SLC25A31: variants seen among roughly 807,000 people sequenced by gnomAD.
SLC25A31 encodes solute carrier family 25 member 31.
In SLC25A31, 40 loss-of-function variants were observed where a neutral mutation model predicts 36.2. The ratio of observed to expected loss-of-function variants is 1.10; its 90% confidence interval spans 0.86 to 1.44. The LOEUF (loss-of-function observed/expected upper bound fraction) is 1.44. SLC25A31 is among the 40% of genes most tolerant of loss of function. The pLI is 0.00. For missense variants in SLC25A31, 350 were observed against 397.1 expected (o/e 0.88, Z 1.01); for synonymous variants, 143 against 149.7 (o/e 0.96, Z 0.32).
chr4:127,734,515 G>A (rs1477883736), intron 1 of SLC25A31, among the ~76,000 whole-genome samples: 2 of 137,058 alleles, frequency 1.5e-5, no homozygotes, highest in African/African-American at 2.7e-5. Context: ...AGCCAAGATC[G>A]TGCCACTACA....
chr4:127,739,631 G>A (rs1731696946), intron 1 of SLC25A31, among the ~76,000 whole-genome samples: 1 of 151,990 alleles, frequency 6.6e-6, no homozygotes, highest in Admixed American at 6.6e-5. Context: ...CTTGTATCTG[G>A]ACAAAGATTA....
rs1297382105 is a variant in SLC25A31 at position 127,767,178 on chromosome 4, T to C, written c.591T>C (p.Ile197=). The change falls in exon 4 of 6, where the codon ATT becomes ATC. Residue 197 remains isoleucine (I), a synonymous_variant. Transcript: ENST00000281154. The part of the protein sequence containing the change: ...QGFGVSVQGI[I]VYRASYFGAY... ...TTGGTGTTTCAGTACAGGGCATCAT[T>C]GTGTACCGAGCCTCTTATTTTGGAG... 2 of 1,611,502 alleles carry C rather than the reference T, an allele frequency of 1.2e-6. No homozygotes were observed. The highest frequency in any genetic ancestry group is 1.7e-5 in the Admixed American group (1 of 59,630).
At chr4:127,740,297 G>A (rs747010849) in intron 1 of SLC25A31, among the ~76,000 whole-genome samples, 17 of 152,218 alleles carry the variant, frequency 1.1e-4, no homozygotes, top group Admixed American at 2.6e-4. Context: ...CCTTGGGGGT[G>A]TAACTGTAGA....
At chr4:127,764,382 T>G in intron 3 of SLC25A31, 22 bp downstream of exon 3, 3 of 1,557,166 alleles carry the variant, frequency 1.9e-6, no homozygotes, top group Non-Finnish European at 2.7e-6. Context: ...TTAGAAATAC[T>G]AACTTTTCCT....
At position 127,744,713 on chromosome 4, in the gene SLC25A31, C is replaced by A; in HGVS notation, c.274C>A (p.Arg92=). The change falls in exon 2 of 6, where the codon CGG becomes AGG. Residue 92 remains arginine, a synonymous_variant. Transcript: ENST00000281154. ...FWRGNLANVI[R]YFPTQALNFA... is the part of the protein sequence containing the mutation. ...GCGTGGCAATTTGGCAAATGTTATT[C>A]GGTATTTTCCAACACAAGCTCTAAA... 1 of 1,604,898 alleles carries A rather than the reference C, an allele frequency of 6.2e-7. No individual in the cohort carries two copies. Among genetic ancestry groups the A allele is most frequent in the Non-Finnish European group, 8.5e-7 (1 of 1,174,928 alleles).
rs78696712 is a variant in SLC25A31, at chr4:127,731,318, A to C, written c.232+541A>C. Among the ~76,000 whole-genome samples the C allele has an allele frequency of 2.2e-4, 34 of 152,202 alleles. No individual in the cohort carries two copies. The East Asian group carries it at 6.4e-3, about 28-fold the overall frequency. On this transcript the variant is annotated intron_variant, in intron 1 of 5. Coordinates refer to ENST00000281154, the MANE Select transcript of SLC25A31 (RefSeq NM_031291.4). ...CTATTAGTGAAAAGAGGTTCTGCTTATTCTACTGAAGACCAAGGGGGTACT... is the reference window on the plus strand; with the variant it reads ...CTATTAGTGAAAAGAGGTTCTGCTTCTTCTACTGAAGACCAAGGGGGTACT...
At chr4:127,762,973 A>G (rs1560639109) in intron 2 of SLC25A31, among the ~76,000 whole-genome samples, 2 of 151,980 alleles carry the variant, frequency 1.3e-5, no homozygotes, top group African/African-American at 4.8e-5. Context: ...AATGTACACA[A>G]ATAATTATAA....
At chr4:127,746,762 A>ATCT (rs1731832007) in intron 2 of SLC25A31, among the ~76,000 whole-genome samples, 1 of 152,094 alleles carries the variant, frequency 6.6e-6, no homozygotes, top group Non-Finnish European at 1.5e-5. Context: ...GCTGTGCAGA[A>ATCT]GCTCTTAAGT....
intron 4 of SLC25A31, 89 bp from the exon 5 acceptor site, chr4:127,768,663 T>C: frequency 8.6e-7 from 1 of 1,167,572 alleles, no homozygotes; most frequent in Non-Finnish European, 1.1e-6. Flanking sequence ...GGGCCCTCTT[T>C]CATATATTTA....
Position 127,764,337 on chromosome 4 carries a change from G to A in SLC25A31, c.455G>A (p.Arg152Gln), listed in dbSNP as rs267600020. The change falls in exon 3 of 6, where the codon CGA (arginine) becomes CAA (glutamine). Residue 152 changes from arginine (R) to glutamine (Q), a missense_variant. Arg to Gln is a conservative substitution (Grantham distance 43). Coordinates refer to ENST00000281154, the MANE Select transcript of SLC25A31 (RefSeq NM_031291.4). ...VVYPLDFART[R>Q]LGVDIGKGPE... The stretch of plus-strand genomic sequence containing the variant: ...TATCCTCTAGATTTTGCCCGAACCC[G>A]ATTAGGTGTCGATATTGGAAAAGGT... 13 of 1,613,362 alleles carry A rather than the reference G, an allele frequency of 8.1e-6. No homozygotes were observed. The highest frequency in any genetic ancestry group is 4.5e-5 in the East Asian group (2 of 44,868).
rs559135981 is a variant in SLC25A31 at position 127,764,968 on chromosome 4, C to T, written c.478+608C>T. Among the ~76,000 whole-genome samples the T allele has an allele frequency of 5.9e-5, 9 of 152,274 alleles. No homozygotes were observed. In the South Asian group the frequency reaches 1.5e-3, roughly 25 times the overall value. ...CTGACTTCTAGTTTCTAATGTTGCT[C>T]TTAAGATACCAATTTGCTTACTCCG... On this transcript the variant is annotated intron_variant, in intron 3 of 5. Coordinates refer to ENST00000281154, the MANE Select transcript of SLC25A31 (RefSeq NM_031291.4).
intron 1 of SLC25A31, among the ~76,000 whole-genome samples, chr4:127,736,424 A>G (rs930431803): frequency 1.3e-5 from 2 of 152,220 alleles, no homozygotes; most frequent in Non-Finnish European, 2.9e-5. Flanking sequence ...TGTGATATAT[A>G]TTAAGAAACC....
chr4:127,767,041 T>C, intron 3 of SLC25A31, 25 bp from the exon 4 acceptor site: 1 of 1,596,134 alleles, frequency 6.3e-7, no homozygotes, highest in Non-Finnish European at 8.5e-7. Flanking sequence ...ATGTTGCTAA[T>C]AGATTTTAAA....
intron 2 of SLC25A31, among the ~76,000 whole-genome samples, chr4:127,750,825 C>T (rs1731917747): frequency 6.6e-6 from 1 of 151,122 alleles, no homozygotes; most frequent in Middle Eastern, 3.4e-3. Context: ...AAGGAAGACA[C>T]CAAGATTGGA....
At chr4:127,754,372 T>C (rs1206457087) in intron 2 of SLC25A31, among the ~76,000 whole-genome samples, 1 of 152,190 alleles carries the variant, frequency 6.6e-6, no homozygotes, top group South Asian at 2.1e-4. Flanking sequence ...GGTAGCATGA[T>C]CTTATATATA....
intron 1 of SLC25A31, among the ~76,000 whole-genome samples, chr4:127,739,888 T>A (rs1454463492): frequency 6.6e-6 from 1 of 152,072 alleles, no homozygotes; most frequent in Non-Finnish European, 1.5e-5. Context: ...TAATTGTATT[T>A]TGAAATTTCT....
At chr4:127,765,706 T>C (rs1015574872) in intron 3 of SLC25A31, among the ~76,000 whole-genome samples, 5 of 152,092 alleles carry the variant, frequency 3.3e-5, no homozygotes, top group African/African-American at 1.2e-4. Flanking sequence ...CTAAAATATA[T>C]TGTCACTTAA....
At chr4:127,754,578 G>A (rs1731996116) in intron 2 of SLC25A31, among the ~76,000 whole-genome samples, 1 of 150,020 alleles carries the variant, frequency 6.7e-6, no homozygotes, top group Non-Finnish European at 1.5e-5. Flanking sequence ...ATTTAACCAA[G>A]GAGGTGAAAG....
chr4:127,741,960 G>A (rs939740736), intron 1 of SLC25A31, among the ~76,000 whole-genome samples: 4 of 151,992 alleles, frequency 2.6e-5, no homozygotes, highest in Non-Finnish European at 4.4e-5. Context: ...ATTACTGTAT[G>A]TTAGTGGTAA....
Sources: gnomAD v4.1 joint callset for allele counts (sites outside exome capture counted in the v4.1 genomes callset) on GRCh38, gnomAD v4.1.1 for gene constraint, MANE v1.5 for transcripts, NCBI Gene and HGNC (gene_info 2026-07-23, HGNC 2026-07-21) for gene names.